Variants in CFAP299 observed in about 807,000 individuals in gnomAD.
CFAP299 encodes cilia and flagella associated protein 299.
CFAP299 carries 21 observed loss-of-function variants against 27.0 expected under a neutral mutation model. The ratio of observed to expected loss-of-function variants is 0.78; its 90% CI spans 0.55 to 1.12. The LOEUF is 1.12. CFAP299 is among the 50% of genes most tolerant of loss of function. CFAP299 has a pLI of 0.00. For missense variants in CFAP299, 310 were observed against 276.6 expected (o/e 1.12, Z -0.86); for synonymous variants, 104 against 98.1 (o/e 1.06, Z -0.36).
intron 1 of CFAP299, among the ~76,000 whole-genome samples, chr4:80,356,861 TC>T (rs765133814): frequency 6.6e-6 from 1 of 152,120 alleles, no homozygotes; most frequent in Admixed American, 6.5e-5. Context: ...GGCCAGAACT[TC>T]CAATGCTATG....
At chr4:80,345,022 G>A (rs1722654407) in intron 1 of CFAP299, among the ~76,000 whole-genome samples, 1 of 152,124 alleles carries the variant, frequency 6.6e-6, no homozygotes, top group Admixed American at 6.6e-5. Context: ...CAAGCCCACA[G>A]ACAATATCAT....
chr4:80,332,821 T>C (rs558728890), upstream of CFAP299, among the ~76,000 whole-genome samples: 26 of 152,188 alleles, frequency 1.7e-4, no homozygotes, highest in Non-Finnish European at 3.5e-4. Flanking sequence ...GTTCTGATTG[T>C]TTGCCCACTC....
chr4:80,763,532 T>C (rs558828565), intron 3 of CFAP299, among the ~76,000 whole-genome samples: 53 of 152,192 alleles, frequency 3.5e-4, no homozygotes, highest in Admixed American at 9.8e-4. Context: ...ATACTACTCA[T>C]AGTAATTTAT....
intron 3 of CFAP299, among the ~76,000 whole-genome samples, chr4:80,608,158 T>C (rs922253648): frequency 4.6e-5 from 7 of 152,118 alleles, no homozygotes; most frequent in Non-Finnish European, 1.0e-4. Context: ...GTTAGAGATA[T>C]GAGCTATCTA....
chr4:80,710,483 C>CTTTTTTT (rs372010060), intron 3 of CFAP299, among the ~76,000 whole-genome samples: 20 of 95,044 alleles, frequency 2.1e-4, no homozygotes, highest in East Asian at 5.8e-4. Flanking sequence ...TTTTCTTTTT[C>CTTTTTTT]TTTTTTTTTT....
chr4:80,870,028 G>A lies in CFAP299; in HGVS notation c.369G>A (p.Gly123=). ...VIFIRDRNSH[G]QEISGYIDYA... ...TTATTCGTGACAGAAATTCTCATGG[G>A]CAAGAGATATCAGGATACATCGACT... The change falls in exon 4 of 6, where the codon GGG becomes GGA. Residue 123 remains glycine, a synonymous_variant. Coordinates refer to ENST00000358105, the MANE Select transcript of CFAP299 (RefSeq NM_152770.3). 6.2e-7 allele frequency: 1 copy of A among 1,613,056 alleles called. No individual in the cohort carries two copies. The highest frequency in any genetic ancestry group is 8.5e-7 in the Non-Finnish European group (1 of 1,179,350).
intron 3 of CFAP299, among the ~76,000 whole-genome samples, chr4:80,612,790 A>G (rs1738063276): frequency 6.6e-6 from 1 of 152,138 alleles, no homozygotes; most frequent in Non-Finnish European, 1.5e-5. Flanking sequence ...AATTAGGTAC[A>G]TAGTTTTAAA....
intron 3 of CFAP299, among the ~76,000 whole-genome samples, chr4:80,709,710 C>A (rs1205095895): frequency 6.6e-6 from 1 of 152,106 alleles, no homozygotes; most frequent in South Asian, 2.1e-4. Context: ...TAAGTCAACA[C>A]CTTGCATAGG....
At chr4:80,614,688 T>A (rs1738183124) in intron 3 of CFAP299, among the ~76,000 whole-genome samples, 1 of 152,216 alleles carries the variant, frequency 6.6e-6, no homozygotes, top group Non-Finnish European at 1.5e-5. Context: ...GTTGACAGAT[T>A]AAGTACTAAC....
intron 2 of CFAP299, among the ~76,000 whole-genome samples, chr4:80,523,844 C>T (rs1449790132): frequency 6.6e-6 from 1 of 152,070 alleles, no homozygotes; most frequent in Non-Finnish European, 1.5e-5. Flanking sequence ...ATATTCTATG[C>T]GTCCTGTTTC....
chr4:80,783,533 T>C (rs1405296606), intron 3 of CFAP299, among the ~76,000 whole-genome samples: 2 of 152,190 alleles, frequency 1.3e-5, no homozygotes, highest in Non-Finnish European at 2.9e-5. Flanking sequence ...GGATGTAAAA[T>C]TATAGAATGT....
intron 2 of CFAP299, among the ~76,000 whole-genome samples, chr4:80,569,502 G>T (rs28493682): frequency 0.62 from 93,769 of 151,774 alleles, 32,820 homozygotes; most frequent in Non-Finnish European, 0.77. Flanking sequence ...TGTGAGGTTT[G>T]GTTTGTAATT....
rs1229245180 is a variant in CFAP299, at chr4:80,875,505, C to CA, written c.476+5379dup. 6.0e-5 allele frequency among the ~76,000 whole-genome samples: 9 copies of CA among 150,824 alleles called. No individual in the cohort carries two copies. The South Asian group carries it at 8.4e-4, about 14-fold the overall frequency. The stretch of plus-strand genomic sequence containing the variant: ...TGAAACCCCGTCTCTACTAAAAATA[C>CA]AAAAAAAAATTAGCTGGCCATGGTG... On this transcript the variant is annotated intron_variant, in intron 4 of 5. Coordinates refer to ENST00000358105, the MANE Select transcript of CFAP299 (RefSeq NM_152770.3).
intron 2 of CFAP299, among the ~76,000 whole-genome samples, chr4:80,454,154 G>A (rs931584096): frequency 1.6e-4 from 24 of 152,044 alleles, no homozygotes; most frequent in Admixed American, 9.8e-4. Flanking sequence ...GAGAGGTATT[G>A]GAAGGTGCAG....
chr4:80,471,909 C>G (rs1000062314), intron 2 of CFAP299, among the ~76,000 whole-genome samples: 3 of 152,200 alleles, frequency 2.0e-5, no homozygotes, highest in Non-Finnish European at 4.4e-5. Flanking sequence ...ATCCTTCACT[C>G]GCAGCTTTCG....
At chr4:80,484,697 A>G (rs970029308) in intron 2 of CFAP299, among the ~76,000 whole-genome samples, 3 of 152,210 alleles carry the variant, frequency 2.0e-5, no homozygotes, top group Non-Finnish European at 4.4e-5. Flanking sequence ...TAGTACATTT[A>G]TTAGGCATAA....
At chr4:80,451,953 T>G (rs1351239706) in intron 2 of CFAP299, among the ~76,000 whole-genome samples, 1 of 152,238 alleles carries the variant, frequency 6.6e-6, no homozygotes, top group East Asian at 1.9e-4. Context: ...GTGCTAAGAT[T>G]GTTACCTTGT....
At chr4:80,778,557 CCTT>C (rs908220358) in intron 3 of CFAP299, among the ~76,000 whole-genome samples, 47 of 152,154 alleles carry the variant, frequency 3.1e-4, no homozygotes, top group Admixed American at 8.5e-4. Flanking sequence ...ACTACCCCCT[CCTT>C]CTTCACAGAT....
intron 4 of CFAP299, among the ~76,000 whole-genome samples, chr4:80,881,955 CA>C (rs1442984141): frequency 6.6e-6 from 1 of 151,454 alleles, no homozygotes; most frequent in Non-Finnish European, 1.5e-5. Context: ...ACACCATAAC[CA>C]AAATGAAAAA....
Sources: allele counts gnomAD v4.1 joint callset (sites outside exome capture counted in the v4.1 genomes callset), GRCh38; gene constraint gnomAD v4.1.1; transcripts MANE v1.5; gene names NCBI Gene and HGNC (gene_info 2026-07-23, HGNC 2026-07-21).